Variants in TRAPPC11 observed in about 807,000 individuals in gnomAD.
TRAPPC11 encodes trafficking protein particle complex subunit 11, also known as foie gras homolog.
A neutral mutation model predicts 151.2 loss-of-function variants in TRAPPC11; 104 were observed. The observed-to-expected ratio is 0.69, with a 90% CI of 0.59 to 0.81. The LOEUF (loss-of-function observed/expected upper bound fraction) is 0.81. TRAPPC11 is among the 30% of genes least tolerant of loss of function. The pLI is 0.00. For missense variants in TRAPPC11, 1,230 were observed against 1,349.6 expected, an observed-to-expected ratio of 0.91 and a Z score of 1.39; for synonymous variants, 456 against 472.3, an observed-to-expected ratio of 0.97 and a Z score of 0.45.
chr4:183,673,637 G>A (rs1424365979), intron 5 of TRAPPC11, among the ~76,000 whole-genome samples: 1 of 152,044 alleles, frequency 6.6e-6, no homozygotes, highest in Non-Finnish European at 1.5e-5. Flanking sequence ...TTGCACCACT[G>A]CACTCCAGCC....
chr4:183,670,163 A>T (rs1449747509), intron 5 of TRAPPC11, among the ~76,000 whole-genome samples: 1 of 152,016 alleles, frequency 6.6e-6, no homozygotes, highest in Non-Finnish European at 1.5e-5. Flanking sequence ...TGGCACACTT[A>T]CTCCTGTGCT....
In TRAPPC11 at chr4:183,705,023, C is replaced by T; in HGVS notation, c.3008C>T (p.Thr1003Ile). 6.2e-7 allele frequency: 1 copy of T among 1,601,888 alleles called. No individual in the cohort carries two copies. Among genetic ancestry groups the T allele is most frequent in the Non-Finnish European group, 8.5e-7 (1 of 1,171,462 alleles). ...ENIPIITTVITLPHVIVENIP... is the reference protein window; with the variant it reads ...ENIPIITTVIILPHVIVENIP... ...ATCCCCATCATCACAACTGTCATCA[C>T]TCTGCCGCACGTGATTGTGGAGAAT... The change falls in exon 27 of 30, where the codon ACT becomes ATT. Residue 1003 changes from threonine (T) to isoleucine (I), a missense_variant. By Grantham distance (89) the Thr-to-Ile change is moderately conservative (BLOSUM62 -1). Transcript: ENST00000334690.
At chr4:183,712,534 A>G in intron 29 of TRAPPC11, 66 bp from the exon 30 acceptor site, 5 of 1,430,694 alleles carry the variant, frequency 3.5e-6, no homozygotes, top group Non-Finnish European at 4.9e-6. Context: ...AAATCCTTCC[A>G]GTTAATAGAG....
At chr4:183,705,187 G>T in intron 27 of TRAPPC11, 117 bp downstream of exon 27, 1 of 659,924 alleles carries the variant, frequency 1.5e-6, no homozygotes, top group East Asian at 2.8e-5. Context: ...ATTTGTAAAA[G>T]TAGCTTATGG....
chr4:183,675,948 A>G lies in TRAPPC11; in HGVS notation c.734+711A>G, dbSNP rs959048354. Among the ~76,000 whole-genome samples, 9 of 152,296 alleles carry G rather than the reference A, an allele frequency of 5.9e-5. No homozygotes were observed. The South Asian group carries it at 1.4e-3, about 25-fold the overall frequency. On this transcript the variant is annotated intron_variant, in intron 7 of 29. Transcript: ENST00000334690. ...CTTTGTAGCTTTAACTCACTTTTTG[A>G]AGACAAAGGTATTAAAAACAGCTAT... is the stretch of plus-strand genomic sequence containing the variant.
chr4:183,686,220 T>C (rs1458087032), intron 17 of TRAPPC11, among the ~76,000 whole-genome samples: 2 of 152,204 alleles, frequency 1.3e-5, no homozygotes, highest in Non-Finnish European at 2.9e-5. Context: ...TACCACAACC[T>C]CCACCTCCTG....
intron 25 of TRAPPC11, among the ~76,000 whole-genome samples, 173 bp downstream of exon 25, chr4:183,698,008 A>T (rs1736630467): frequency 6.6e-6 from 1 of 152,224 alleles, no homozygotes; most frequent in African/African-American, 2.4e-5. Flanking sequence ...AGTGTCATTT[A>T]TAATACCATT....
At position 183,679,373 on chromosome 4, in the gene TRAPPC11, A is replaced by C. The variant is rs751652729; in HGVS notation, c.852A>C (p.Gln284His). The C allele has an allele frequency of 7.5e-6, 12 of 1,610,284 alleles. No individual in the cohort carries two copies. Among genetic ancestry groups the C allele is most frequent in the Non-Finnish European group, 1.0e-5 (12 of 1,178,616 alleles). The change falls in exon 9 of 30, where the codon CAA becomes CAC. Residue 284 changes from glutamine (Q) to histidine (H), a missense_variant. Gln to His is a conservative substitution (Grantham distance 24, BLOSUM62 0). Transcript: ENST00000334690. ...INYKICRLCFQHNTPLDAIAQ... is the reference protein window; with the variant it reads ...INYKICRLCFHHNTPLDAIAQ... ...TGCAGATCTGTAGGCTGTGTTTTCAACACAACACCCCATTGGATGCAATTG... is the reference window on the plus strand; with the variant it reads ...TGCAGATCTGTAGGCTGTGTTTTCACCACAACACCCCATTGGATGCAATTG...
At chr4:183,693,170 A>G in intron 20 of TRAPPC11, 23 bp downstream of exon 20, 3 of 1,549,498 alleles carry the variant, frequency 1.9e-6, no homozygotes, top group East Asian at 4.6e-5. Flanking sequence ...TGCTAAGCTG[A>G]TATTAAAGGT....
intron 2 of TRAPPC11, among the ~76,000 whole-genome samples, chr4:183,665,882 G>C (rs1401059923): frequency 6.6e-6 from 1 of 151,616 alleles, no homozygotes; most frequent in African/African-American, 2.4e-5. Context: ...AAGAACAGAA[G>C]CTGGAATGGT....
intron 4 of TRAPPC11, 103 bp from the exon 5 acceptor site, chr4:183,667,899 GT>G: frequency 3.5e-6 from 3 of 856,588 alleles, no homozygotes; most frequent in Non-Finnish European, 5.8e-6. Flanking sequence ...AGCTGTTTGG[GT>G]TTTTATTCCT....
At position 183,701,748 on chromosome 4, in the gene TRAPPC11, C is replaced by G. The variant is rs1736809573; in HGVS notation, c.2903C>G (p.Pro968Arg). Reference sequence around the variant, plus strand: ...AGTGAATGCTTTTGTCTTCAATGCCCATCTCTTGGAAATATTGAAGGTGGA... The same window carrying G: ...AGTGAATGCTTTTGTCTTCAATGCCGATCTCTTGGAAATATTGAAGGTGGA... Reference protein sequence around the residue: ...SASECFCLQCPSLGNIEGGVA... With the variant: ...SASECFCLQCRSLGNIEGGVA... Residue 968 changes from proline to arginine, a missense_variant, in exon 26 of 30, where the codon CCA (proline) becomes CGA (arginine). By Grantham distance (103) the Pro-to-Arg change is moderately radical. Transcript: ENST00000334690. The G allele has an allele frequency of 1.2e-6, 2 of 1,613,988 alleles. No homozygotes were observed. The highest frequency in any genetic ancestry group is 2.7e-5 in the African/African-American group (2 of 75,022).
intron 23 of TRAPPC11, 147 bp downstream of exon 23, chr4:183,694,870 C>G (rs1736452670): frequency 1.3e-6 from 1 of 774,538 alleles, no homozygotes; most frequent in South Asian, 2.2e-5. Context: ...TTTAAAAAAT[C>G]ACTTATATTG....
chr4:183,678,787 A>G (rs1453517843), intron 8 of TRAPPC11, among the ~76,000 whole-genome samples: 1 of 152,230 alleles, frequency 6.6e-6, no homozygotes, highest in Non-Finnish European at 1.5e-5. Flanking sequence ...TAAAAAATAA[A>G]AGTGAAAATT....
chr4:183,707,557 A>C (rs4583804), intron 28 of TRAPPC11, among the ~76,000 whole-genome samples: 43,188 of 151,914 alleles, frequency 0.28, 6,944 homozygotes, highest in African/African-American at 0.45. Flanking sequence ...AACAGAGATG[A>C]CCCTCCAAAG....
intron 3 of TRAPPC11, among the ~76,000 whole-genome samples, chr4:183,666,633 G>C (rs1339923999): frequency 6.6e-6 from 1 of 152,058 alleles, no homozygotes; most frequent in East Asian, 1.9e-4. Flanking sequence ...AAGACTAATT[G>C]GTCTGAATTT....
chr4:183,688,092 G>A (rs959170000), intron 18 of TRAPPC11, among the ~76,000 whole-genome samples: 1 of 152,260 alleles, frequency 6.6e-6, no homozygotes, highest in East Asian at 1.9e-4. Flanking sequence ...TTTATTGAGA[G>A]TTACGATATT....
At chr4:183,702,250 G>T (rs1272359715) in intron 26 of TRAPPC11, among the ~76,000 whole-genome samples, 2 of 151,990 alleles carry the variant, frequency 1.3e-5, no homozygotes, top group African/African-American at 4.8e-5. Flanking sequence ...AGGCTGAGGG[G>T]GGAGGATGAC....
intron 4 of TRAPPC11, among the ~76,000 whole-genome samples, chr4:183,667,386 T>C (rs889125261): frequency 1.3e-5 from 2 of 152,224 alleles, no homozygotes; most frequent in African/African-American, 4.8e-5. Flanking sequence ...TAGGAAGGCA[T>C]GTTCAATTCA....
Sources: gnomAD v4.1 joint callset for allele counts (sites outside exome capture counted in the v4.1 genomes callset) on GRCh38, gnomAD v4.1.1 for gene constraint, MANE v1.5 for transcripts, NCBI Gene and HGNC (gene_info 2026-07-23, HGNC 2026-07-21) for gene names.